The following BMX variants were observed in gnomAD, a reference collection of about 807,000 sequenced individuals.
The protein encoded by BMX is cytoplasmic tyrosine-protein kinase BMX.
Under a neutral mutation model 59.2 loss-of-function variants are expected in BMX, and 31 were observed. The ratio of observed to expected loss-of-function variants is 0.52; its 90% CI spans 0.39 to 0.71. The LOEUF (loss-of-function observed/expected upper bound fraction) is 0.71. Ranked by LOEUF, BMX falls within the 30% of genes least tolerant of loss-of-function variation. BMX has a pLI of 0.00. For missense variants in BMX, 474 were observed against 491.7 expected, an observed-to-expected ratio of 0.96 and a Z score of 0.34; for synonymous variants, 185 against 181.0, an observed-to-expected ratio of 1.02 and a Z score of -0.18.
chrX:15,530,742 T>C (rs7056088), intron 10 of BMX, among the ~76,000 whole-genome samples: 7,371 of 111,963 alleles, frequency 0.066, 575 homozygotes, highest in African/African-American at 0.22. Flanking sequence ...TTATTACTAA[T>C]TGATATGGAA....
intron 3 of BMX, 120 bp from the exon 4 acceptor site, chrX:15,511,317 G>A: frequency 2.2e-6 from 1 of 462,558 alleles, no homozygotes; most frequent in Non-Finnish European, 3.5e-6. Context: ...TAATTCCAGA[G>A]CTGATGTATA....
At chrX:15,507,454 T>C (rs1032237440) in intron 1 of BMX, 43 of 609,734 alleles carry the variant, frequency 7.1e-5, no homozygotes, top group African/African-American at 1.2e-4. Flanking sequence ...ATTTTAACTA[T>C]TGGGCATGTG....
chrX:15,555,159 A>G (rs1409426418), intron 18 of BMX, among the ~76,000 whole-genome samples: 1 of 100,619 alleles, frequency 9.9e-6, no homozygotes, highest in African/African-American at 3.7e-5. Flanking sequence ...GAAATTTGAC[A>G]TCTTTATGAT....
chrX:15,536,090 A>C (rs73635820), intron 12 of BMX, among the ~76,000 whole-genome samples: 6,602 of 112,242 alleles, frequency 0.059, 472 homozygotes, highest in African/African-American at 0.2. Flanking sequence ...GAGAATTTTA[A>C]AAGATTACAT....
intron 1 of BMX, among the ~76,000 whole-genome samples, chrX:15,504,749 C>A (rs1162491752): frequency 8.9e-6 from 1 of 112,280 alleles, no homozygotes; most frequent in Non-Finnish European, 1.9e-5. Flanking sequence ...ATATTGATTT[C>A]TGCCAGGTTT....
At chrX:15,519,904 G>C (rs890547299) in intron 6 of BMX, among the ~76,000 whole-genome samples, 2 of 111,714 alleles carry the variant, frequency 1.8e-5, no homozygotes, top group Non-Finnish European at 3.8e-5. Context: ...AATGGCACTA[G>C]GCCATTAATG....
intron 18 of BMX, among the ~76,000 whole-genome samples, chrX:15,552,757 C>T (rs1244884188): frequency 2.7e-5 from 3 of 111,957 alleles, no homozygotes; most frequent in African/African-American, 9.7e-5. Flanking sequence ...AGGATTTTGG[C>T]AGAAAGGTAT....
chrX:15,548,327 C>T (rs1048793215), intron 17 of BMX, among the ~76,000 whole-genome samples: 7 of 110,430 alleles, frequency 6.3e-5, no homozygotes, highest in Non-Finnish European at 1.1e-4. Flanking sequence ...CATGGTGGTG[C>T]GCGCCTGTAA....
intron 4 of BMX, among the ~76,000 whole-genome samples, 156 bp from the exon 5 acceptor site, chrX:15,515,956 A>C (rs955040554): frequency 8.9e-6 from 1 of 112,182 alleles, no homozygotes; most frequent in African/African-American, 3.2e-5. Flanking sequence ...TTAACTGTTG[A>C]GTGAAAGACC....
Position 15,516,152 on chromosome X carries a change from T to G in BMX, c.366T>G (p.Ser122Arg), listed in dbSNP as rs1268607426. The change falls in exon 5 of 19, where the codon AGT becomes AGG. Residue 122 changes from serine (S) to arginine (R), a missense_variant. Physicochemically the swap from Ser to Arg is moderately radical, Grantham distance 110. Transcript: ENST00000348343. ...GNPHLLVKYHSGFFVDGKFLC... is the reference protein window; with the variant it reads ...GNPHLLVKYHRGFFVDGKFLC... ...CCCACCTGCTGGTCAAGTACCATAG[T>G]GGGTTCTTCGTGGACGGGAAGTTCC... is the stretch of plus-strand genomic sequence containing the variant. 1.7e-6 allele frequency: 2 copies of G among 1,211,371 alleles called. No individual in the cohort carries two copies. Among genetic ancestry groups the G allele is most frequent in the East Asian group, 3.0e-5 (1 of 33,835 alleles).
At position 15,531,255 on chromosome X, in the gene BMX, C is replaced by T. The variant is rs1335679418; in HGVS notation, c.940-73C>T. The T allele has an allele frequency of 3.3e-6, 3 of 899,177 alleles. No individual in the cohort carries two copies. The South Asian group carries it at 6.4e-5, about 19-fold the overall frequency. The allele number at this position is 899,177 out of a possible 1,213,427, so 74.1% of individuals were successfully genotyped here. A position where few individuals can be genotyped will look rare whatever the true frequency, so the allele number is the denominator to read the frequency against. On this transcript the variant is annotated intron_variant, in intron 10 of 18. Transcript: ENST00000348343. ...ATCTAAAAGATTTGTTTTCCAACTACCTACCATGCAAAATCATTTTCAAGA... is the reference window on the plus strand; with the variant it reads ...ATCTAAAAGATTTGTTTTCCAACTATCTACCATGCAAAATCATTTTCAAGA...
intron 1 of BMX, among the ~76,000 whole-genome samples, chrX:15,504,875 G>A (rs984641778): frequency 4.5e-5 from 5 of 111,646 alleles, no homozygotes; most frequent in African/African-American, 1.6e-4. Flanking sequence ...GGTAATATGA[G>A]AGTCCACCCA....
chrX:15,525,208 C>G (rs955209202), intron 7 of BMX, 80 bp from the exon 8 acceptor site: 11 of 959,786 alleles, frequency 1.1e-5, no homozygotes, highest in East Asian at 1.0e-4. Flanking sequence ...TAAAACATAT[C>G]TGAACAAAAT....
intron 6 of BMX, among the ~76,000 whole-genome samples, chrX:15,521,508 T>C (rs1924454392): frequency 8.9e-6 from 1 of 112,199 alleles, no homozygotes; most frequent in Non-Finnish European, 1.9e-5. Context: ...TCTTATAGTT[T>C]GGAAGATCAT....
chrX:15,501,848 TG>T (rs1260110324), intron 1 of BMX, among the ~76,000 whole-genome samples: 1 of 111,900 alleles, frequency 8.9e-6, no homozygotes, highest in African/African-American at 3.3e-5. Flanking sequence ...AAACCTACTA[TG>T]TATGGACTGG....
chrX:15,507,188 GT>G (rs756090176), intron 1 of BMX: 60 of 228,676 alleles, frequency 2.6e-4, no homozygotes, highest in Admixed American at 1.0e-3. Context: ...GATTGGATGG[GT>G]TCGCTTGGCG....
At chrX:15,519,857 G>A (rs977969768) in intron 6 of BMX, among the ~76,000 whole-genome samples, 6 of 111,485 alleles carry the variant, frequency 5.4e-5, no homozygotes, top group Admixed American at 3.8e-4. Flanking sequence ...AGCTCTCATG[G>A]GAAATCATAG....
chrX:15,522,611 C>G, intron 7 of BMX, 24 bp downstream of exon 7: 1 of 1,208,487 alleles, frequency 8.3e-7, no homozygotes, highest in Non-Finnish European at 1.1e-6. Context: ...TTCAGACGGG[C>G]TGCCCAGCAT....
At chrX:15,544,268 C>T (rs1386722600) in intron 16 of BMX, among the ~76,000 whole-genome samples, 2 of 110,373 alleles carry the variant, frequency 1.8e-5, no homozygotes, top group Non-Finnish European at 3.8e-5. Context: ...TGGCACATAC[C>T]GTGGAAGCTA....
Sources: allele counts gnomAD v4.1 joint callset (sites outside exome capture counted in the v4.1 genomes callset), GRCh38; gene constraint gnomAD v4.1.1; transcripts MANE v1.5; gene names NCBI Gene and HGNC (gene_info 2026-07-23, HGNC 2026-07-21).